Variants in SLC2A14 observed in about 807,000 individuals in gnomAD.
SLC2A14 encodes the protein solute carrier family 2 member 14.
SLC2A14 carries 13 observed loss-of-function variants against 43.0 expected under a neutral mutation model. The observed-to-expected ratio is 0.30, with a 90% confidence interval of 0.20 to 0.48. The LOEUF (loss-of-function observed/expected upper bound fraction) is 0.48, where lower values mean the gene tolerates loss of function less well. Among genes scored for constraint, SLC2A14 ranks in the 20% least tolerant of loss-of-function variants. The probability of loss-of-function intolerance (pLI) is 0.99; values close to 1 mark genes in which losing one functional copy is unlikely to be tolerated. For missense variants in SLC2A14, 428 were observed against 620.4 expected, an observed-to-expected ratio of 0.69 and a Z score of 3.29; for synonymous variants, 190 against 233.8, an observed-to-expected ratio of 0.81 and a Z score of 1.71.
chr12:7,869,109 G>A (rs1004076731), intron 2 of SLC2A14, among the ~76,000 whole-genome samples: 2 of 143,184 alleles, frequency 1.4e-5, no homozygotes, highest in Non-Finnish European at 3.2e-5. Context: ...ACACCATTGC[G>A]CTCTAGCCTG....
chr12:7,874,784 T>TATAA (rs1945393460), upstream of SLC2A14, among the ~76,000 whole-genome samples: 1 of 78,884 alleles, frequency 1.3e-5, no homozygotes, highest in Admixed American at 1.5e-4. Flanking sequence ...TATATAAATA[T>TATAA]ATAAATATAT....
At chr12:7,861,977 AAAAC>A (rs1278542416) in intron 2 of SLC2A14, among the ~76,000 whole-genome samples, 2 of 147,596 alleles carry the variant, frequency 1.4e-5, no homozygotes, top group Admixed American at 1.4e-4. Context: ...AAAAAAAACA[AAAAC>A]AAAGGCCAGT....
intron 1 of SLC2A14, among the ~76,000 whole-genome samples, chr12:7,881,732 G>A (rs1267505278): frequency 2.0e-5 from 3 of 152,144 alleles, no homozygotes; most frequent in Non-Finnish European, 4.4e-5. Context: ...GAAGCCAGCT[G>A]GGCTCCTGAG....
intron 1 of SLC2A14, among the ~76,000 whole-genome samples, chr12:7,882,927 C>CT (rs1424301611): frequency 1.3e-5 from 2 of 151,796 alleles, no homozygotes; most frequent in Non-Finnish European, 2.9e-5. Context: ...AAATGCTCTC[C>CT]TGGCTAGGTG....
chr12:7,876,049 T>C (rs571459941), upstream of SLC2A14, among the ~76,000 whole-genome samples: 72 of 150,598 alleles, frequency 4.8e-4, 1 homozygote, highest in South Asian at 0.014. Flanking sequence ...GAGGCCGAGG[T>C]GGGCAGATCA....
At chr12:7,866,728 G>A (rs750392987) in intron 2 of SLC2A14, among the ~76,000 whole-genome samples, 1 of 152,142 alleles carries the variant, frequency 6.6e-6, no homozygotes, top group African/African-American at 2.4e-5. Flanking sequence ...ATGTTAGAAG[G>A]TAGCAGAAGT....
At chr12:7,876,177 A>C (rs980434892), upstream of SLC2A14, among the ~76,000 whole-genome samples, 2 of 145,188 alleles carry the variant, frequency 1.4e-5, no homozygotes, top group African/African-American at 5.1e-5. Flanking sequence ...GCTACCTGGG[A>C]GGTGGAGGCA....
At chr12:7,815,419 T>C (rs184126616) in intron 10 of SLC2A14, among the ~76,000 whole-genome samples, 52 of 152,158 alleles carry the variant, frequency 3.4e-4, no homozygotes, top group African/African-American at 1.2e-3. Flanking sequence ...CCGTCTCAAA[T>C]AATAAAAAAT....
At chr12:7,876,123 C>CA (rs1290904560), upstream of SLC2A14, among the ~76,000 whole-genome samples, 15 of 151,086 alleles carry the variant, frequency 9.9e-5, no homozygotes, top group East Asian at 3.9e-4. Flanking sequence ...ACTAAAAATA[C>CA]AAAAAAAATT....
At chr12:7,872,418 T>TC (rs1945284269) in intron 1 of SLC2A14, 1 of 152,046 alleles carries the variant, frequency 6.6e-6, no homozygotes, top group Admixed American at 6.6e-5. Context: ...ACCGACCCCT[T>TC]CCCCACTCCC....
intron 1 of SLC2A14, chr12:7,890,890 T>C (rs745378857): frequency 1.7e-4 from 217 of 1,285,052 alleles, no homozygotes; most frequent in Admixed American, 2.3e-4. Context: ...CTTAACACAC[T>C]GTGCTGATTA....
intron 1 of SLC2A14, among the ~76,000 whole-genome samples, chr12:7,889,233 C>CT (rs142327842): frequency 0.02 from 2,589 of 132,320 alleles, 110 homozygotes; most frequent in African/African-American, 0.062. Flanking sequence ...GCTGGTTGCC[C>CT]TTTTTTTTTT....
chr12:7,879,134 G>A (rs1280228612), intron 1 of SLC2A14, among the ~76,000 whole-genome samples: 2 of 151,524 alleles, frequency 1.3e-5, no homozygotes, highest in Admixed American at 1.3e-4. Flanking sequence ...TGCTTACATA[G>A]GAAAACTTCT....
At chr12:7,863,074 A>C (rs1170099925) in intron 2 of SLC2A14, among the ~76,000 whole-genome samples, 3 of 152,146 alleles carry the variant, frequency 2.0e-5, no homozygotes, top group Non-Finnish European at 4.4e-5. Flanking sequence ...CACTCTTTGC[A>C]ATAAATCTTG....
chr12:7,874,741 A>G (rs1220118900), upstream of SLC2A14, among the ~76,000 whole-genome samples: 13 of 3,860 alleles, frequency 3.4e-3, no homozygotes, highest in Non-Finnish European at 2.2e-3. Flanking sequence ...ATATATAAAA[A>G]TATATATAAA....
At chr12:7,862,145 T>C (rs1944598493) in intron 2 of SLC2A14, among the ~76,000 whole-genome samples, 1 of 146,416 alleles carries the variant, frequency 6.8e-6, no homozygotes, top group Non-Finnish European at 1.5e-5. Flanking sequence ...ATGCCTGTAA[T>C]CCCAGCTACT....
upstream of SLC2A14, chr12:7,873,268 C>T (rs761646888): frequency 2.0e-6 from 2 of 985,674 alleles, no homozygotes; most frequent in Admixed American, 6.1e-5. Context: ...CCCTCACCGC[C>T]TGCAGCAGGG....
chr12:7,869,975 T>C, intron 1 of SLC2A14, 38 bp from the exon 2 acceptor site: 2 of 1,343,606 alleles, frequency 1.5e-6, no homozygotes, highest in Non-Finnish European at 2.0e-6. Flanking sequence ...ATTTACTCCA[T>C]CTACTTAAGC....
intron 1 of SLC2A14, among the ~76,000 whole-genome samples, chr12:7,884,269 C>T (rs58491955): frequency 6.6e-6 from 1 of 152,158 alleles, no homozygotes; most frequent in Admixed American, 6.6e-5. Context: ...TGAACTCTTT[C>T]TTTCACATAA....
Sources: gnomAD v4.1 joint callset for allele counts (sites outside exome capture counted in the v4.1 genomes callset) on GRCh38, gnomAD v4.1.1 for gene constraint, MANE v1.5 for transcripts, NCBI Gene and HGNC (gene_info 2026-07-23, HGNC 2026-07-21) for gene names.